OPCML: variants seen among roughly 807,000 people sequenced by gnomAD.
OPCML encodes opioid binding protein/cell adhesion molecule like, also known as opioid-binding protein/cell adhesion molecule.
In OPCML, 13 loss-of-function variants were observed where a neutral mutation model predicts 37.8. That is an observed-to-expected ratio of 0.34 (90% confidence interval 0.22 to 0.55). OPCML has a LOEUF of 0.55. OPCML is among the 20% of genes least tolerant of loss of function. The pLI is 0.91. For missense variants in OPCML, 341 were observed against 435.6 expected (o/e 0.78, Z 1.93); for synonymous variants, 176 against 168.8 (o/e 1.04, Z -0.33).
At position 133,160,226 on chromosome 11, in the gene OPCML, C is replaced by T. The variant is rs77133063; in HGVS notation, c.62-217216G>A. 7.2e-3 allele frequency among the ~76,000 whole-genome samples: 1,098 copies of T among 152,250 alleles called. 18 individuals are homozygous for T. Among genetic ancestry groups the T allele is most frequent in the African/African-American group, 0.025 (1,028 of 41,520 alleles). ...AAAAACAGAGCAATTCCAAGAGGGGCGAAGTAAATCCATCCAGGGTGAACA... is the reference window on the plus strand; with the variant it reads ...AAAAACAGAGCAATTCCAAGAGGGGTGAAGTAAATCCATCCAGGGTGAACA... On this transcript the variant is annotated intron_variant, in intron 1 of 7. Transcript: ENST00000524381.
chr11:132,653,703 A>T (rs908457653), intron 3 of OPCML, among the ~76,000 whole-genome samples: 1 of 152,300 alleles, frequency 6.6e-6, no homozygotes, highest in South Asian at 2.1e-4. Context: ...GCAGGCAGGA[A>T]AGTTGGTGGC....
intron 1 of OPCML, among the ~76,000 whole-genome samples, chr11:133,162,699 C>T (rs1284105656): frequency 1.3e-5 from 2 of 151,880 alleles, no homozygotes; most frequent in Non-Finnish European, 2.9e-5. Flanking sequence ...GGAAAAGGGT[C>T]CCTGTTTGTG....
intron 1 of OPCML, among the ~76,000 whole-genome samples, chr11:132,954,018 T>A (rs2136703631): frequency 6.6e-6 from 1 of 152,356 alleles, no homozygotes; most frequent in Admixed American, 6.5e-5. Context: ...GTGTTTTGTA[T>A]AACATGTCAG....
intron 1 of OPCML, among the ~76,000 whole-genome samples, chr11:133,320,832 T>C (rs1943311871): frequency 6.6e-6 from 1 of 152,138 alleles, no homozygotes; most frequent in Admixed American, 6.6e-5. Context: ...GGATGTAAAG[T>C]CCATGAAGGA....
intron 1 of OPCML, among the ~76,000 whole-genome samples, chr11:133,198,625 C>T (rs1023427672): frequency 1.3e-5 from 2 of 152,192 alleles, no homozygotes; most frequent in Admixed American, 1.3e-4. Flanking sequence ...GAGGTGGACT[C>T]ACATCTATTC....
chr11:133,036,357 G>T (rs1947783948), intron 1 of OPCML, among the ~76,000 whole-genome samples: 1 of 152,188 alleles, frequency 6.6e-6, no homozygotes, highest in Admixed American at 6.5e-5. Context: ...AGATTGCAAA[G>T]ATCAATAAAA....
At chr11:133,507,214 T>C (rs1282037533) in intron 1 of OPCML, among the ~76,000 whole-genome samples, 2 of 152,214 alleles carry the variant, frequency 1.3e-5, no homozygotes, top group African/African-American at 2.4e-5. Context: ...CAAAGCCTGA[T>C]ACTGGACTGA....
chr11:132,481,827 C>T (rs1474346080), intron 4 of OPCML, among the ~76,000 whole-genome samples: 12 of 150,690 alleles, frequency 8.0e-5, no homozygotes, highest in East Asian at 1.9e-4. Context: ...CTACTGGGTA[C>T]ATAACGAAAT....
intron 1 of OPCML, among the ~76,000 whole-genome samples, chr11:133,245,422 C>A (rs962757329): frequency 6.6e-6 from 1 of 152,140 alleles, no homozygotes; most frequent in Non-Finnish European, 1.5e-5. Context: ...GTTCAAGGGG[C>A]CAGGTCAAAG....
chr11:133,252,186 A>T (rs1941157303), intron 1 of OPCML, among the ~76,000 whole-genome samples: 1 of 152,218 alleles, frequency 6.6e-6, no homozygotes, highest in East Asian at 1.9e-4. Context: ...CCTAATGGAA[A>T]TTTCTAAAAT....
At chr11:133,362,610 G>C (rs560289525) in intron 1 of OPCML, among the ~76,000 whole-genome samples, 15 of 152,342 alleles carry the variant, frequency 9.8e-5, no homozygotes, top group Non-Finnish European at 2.1e-4. Flanking sequence ...AACGGGAGAC[G>C]TGGGGCTGAA....
Position 133,449,112 on chromosome 11 carries a change from C to G in OPCML, c.61+83152G>C, listed in dbSNP as rs79169308. Among the ~76,000 whole-genome samples, 604 of 152,200 alleles carry G rather than the reference C, an allele frequency of 4.0e-3. 24 individuals are homozygous for G. In the East Asian group the frequency reaches 0.1, roughly 25 times the overall value. On this transcript the variant is annotated intron_variant, in intron 1 of 7. Transcript: ENST00000524381. ...TGGTTTCCTATCTGTAAAAAATATC[C>G]CTGTCCTCTTTGCTAAAAGAACTTC...
chr11:132,568,016 G>A (rs557219159), intron 3 of OPCML, among the ~76,000 whole-genome samples: 4 of 150,988 alleles, frequency 2.6e-5, no homozygotes, highest in South Asian at 2.1e-4. Context: ...TCCCTGGACC[G>A]AATAGATCTG....
Position 133,483,082 on chromosome 11 carries a change from T to C in OPCML, c.61+49182A>G, listed in dbSNP as rs572043872. Reference sequence around the variant, plus strand: ...AAAAAGACAATAACCTCAATAAAAATGTGGGCAAAATATTTGAATGAGAAA... The same window carrying C: ...AAAAAGACAATAACCTCAATAAAAACGTGGGCAAAATATTTGAATGAGAAA... On this transcript the variant is annotated intron_variant, in intron 1 of 7. Coordinates refer to ENST00000524381, the MANE Select transcript of OPCML (RefSeq NM_001012393.5). Among the ~76,000 whole-genome samples the C allele has an allele frequency of 1.1e-4, 16 of 152,060 alleles. No homozygotes were observed. In the East Asian group the frequency reaches 1.2e-3, roughly 11 times the overall value.
chr11:133,345,477 T>C lies in OPCML; in HGVS notation c.61+186787A>G, dbSNP rs1943978026. 2.0e-5 allele frequency among the ~76,000 whole-genome samples: 3 copies of C among 152,220 alleles called. No homozygotes were observed. The South Asian group carries it at 6.2e-4, about 32-fold the overall frequency. On this transcript the variant is annotated intron_variant, in intron 1 of 7. Transcript: ENST00000524381. ...ACTGAATAATCTTACGGCAGTAATG[T>C]TCCATGAAACACACTGCACTAGAAT...
chr11:133,009,078 T>C (rs1268953135), intron 1 of OPCML: 3 of 985,318 alleles, frequency 3.0e-6, no homozygotes, highest in Non-Finnish European at 3.6e-6. Flanking sequence ...TCTACATGTA[T>C]GGGCAGGTTT....
At chr11:132,915,415 C>A (rs1220085245) in intron 2 of OPCML, among the ~76,000 whole-genome samples, 1 of 152,224 alleles carries the variant, frequency 6.6e-6, no homozygotes, top group Non-Finnish European at 1.5e-5. Context: ...CCTGTGCAAC[C>A]ATTTAGGCAG....
intron 3 of OPCML, among the ~76,000 whole-genome samples, chr11:132,628,774 C>T (rs897647547): frequency 6.6e-6 from 1 of 152,106 alleles, no homozygotes; most frequent in Admixed American, 6.5e-5. Flanking sequence ...GGCAGTTACC[C>T]TCATGCTGTT....
chr11:133,088,511 G>A (rs1948851735), intron 1 of OPCML, among the ~76,000 whole-genome samples: 1 of 152,154 alleles, frequency 6.6e-6, no homozygotes, highest in Non-Finnish European at 1.5e-5. Flanking sequence ...CAATATCAAA[G>A]AGAAATTTTG....
Sources: gnomAD v4.1 joint callset for allele counts (sites outside exome capture counted in the v4.1 genomes callset) on GRCh38, gnomAD v4.1.1 for gene constraint, MANE v1.5 for transcripts, NCBI Gene and HGNC (gene_info 2026-07-23, HGNC 2026-07-21) for gene names.